Variants in CDH8 observed in about 807,000 individuals in gnomAD.
CDH8 encodes cadherin 8, also known as cadherin-8.
CDH8 carries 17 observed loss-of-function variants against 68.1 expected under a neutral mutation model. The ratio of observed to expected loss-of-function variants is 0.25; its 90% CI spans 0.17 to 0.37. CDH8 has a LOEUF of 0.37. Among genes scored for constraint, CDH8 ranks in the 10% least tolerant of loss-of-function variants. The pLI, the probability that CDH8 is intolerant of heterozygous loss-of-function variation, is 1.00. For missense variants in CDH8, 763 were observed against 999.3 expected (o/e 0.76, Z 3.19); for synonymous variants, 372 against 365.1 (o/e 1.02, Z -0.21).
chr16:61,855,814 G>C (rs560544490), intron 4 of CDH8, among the ~76,000 whole-genome samples: 150 of 152,156 alleles, frequency 9.9e-4, no homozygotes, highest in South Asian at 2.3e-3. Context: ...CTGTAACTTT[G>C]GCCAAGTTAT....
Position 61,962,167 on chromosome 16 carries a change from G to A in CDH8, c.252+58985C>T, listed in dbSNP as rs193227526. On this transcript the variant is annotated intron_variant, in intron 2 of 11. Coordinates refer to ENST00000577390, the MANE Select transcript of CDH8 (RefSeq NM_001796.5). ...ACCTTGAGTAGCTGAAGAGGAGGAG[G>A]AGGAGGAGGGGCTTGTCTTGCTGTC... Among the ~76,000 whole-genome samples, 45 of 152,326 alleles carry A rather than the reference G, an allele frequency of 3.0e-4. No homozygotes were observed. The East Asian group carries it at 8.1e-3, about 27-fold the overall frequency.
chr16:61,774,414 G>A (rs1460362877), intron 8 of CDH8, among the ~76,000 whole-genome samples: 2 of 147,332 alleles, frequency 1.4e-5, no homozygotes, highest in Admixed American at 1.4e-4. Flanking sequence ...TACAAGGAGA[G>A]CACAGTTCTT....
chr16:61,770,439 T>G (rs548795608), intron 8 of CDH8, among the ~76,000 whole-genome samples: 1 of 151,888 alleles, frequency 6.6e-6, no homozygotes, highest in South Asian at 2.1e-4. Flanking sequence ...AGTTAGGCCT[T>G]GGGTATCTAT....
Position 61,653,333 on chromosome 16 carries a change from T to A in CDH8, c.*275A>T. Reference sequence around the variant, plus strand: ...ATCTAAGGATTAGCCAGGATCCCAATCTTTGTCTGTGGTGGTCAGGTAAAT... The same window carrying A: ...ATCTAAGGATTAGCCAGGATCCCAAACTTTGTCTGTGGTGGTCAGGTAAAT... On this transcript the variant is annotated 3_prime_UTR_variant, in exon 12 of 12. Transcript: ENST00000577390. 8.2e-7 allele frequency: 1 copy of A among 1,218,434 alleles called. No homozygotes were observed. The highest frequency in any genetic ancestry group is 1.0e-6 in the Non-Finnish European group (1 of 980,776). 75.5% of individuals were successfully genotyped at this position (1,218,434 alleles called of 1,614,324 possible).
intron 3 of CDH8, among the ~76,000 whole-genome samples, chr16:61,895,504 C>A (rs750548123): frequency 6.6e-6 from 1 of 152,090 alleles, no homozygotes; most frequent in Non-Finnish European, 1.5e-5. Context: ...ATTCTCAATA[C>A]GTATTGGTCA....
chr16:61,789,592 T>C, intron 7 of CDH8, 110 bp from the exon 8 acceptor site: 1 of 1,027,902 alleles, frequency 9.7e-7, no homozygotes, highest in Non-Finnish European at 1.4e-6. Flanking sequence ...TCAAATGAAT[T>C]GGGAAACTCA....
chr16:62,012,461 C>T (rs984359389), intron 2 of CDH8, among the ~76,000 whole-genome samples: 1 of 152,056 alleles, frequency 6.6e-6, no homozygotes, highest in Non-Finnish European at 1.5e-5. Context: ...ATGAGATTGG[C>T]CATACAAGTG....
intron 7 of CDH8, among the ~76,000 whole-genome samples, chr16:61,799,947 C>T (rs1475351406): frequency 6.6e-6 from 1 of 152,098 alleles, no homozygotes; most frequent in Non-Finnish European, 1.5e-5. Context: ...CTCCCTCTGT[C>T]ACCTAGGCTG....
At chr16:61,909,754 T>G (rs546691503) in intron 2 of CDH8, among the ~76,000 whole-genome samples, 1 of 152,294 alleles carries the variant, frequency 6.6e-6, no homozygotes, top group East Asian at 1.9e-4. Context: ...TCTAGGCACC[T>G]TCTGTAAACC....
At chr16:61,866,869 T>C (rs1044269489) in intron 3 of CDH8, among the ~76,000 whole-genome samples, 5 of 152,210 alleles carry the variant, frequency 3.3e-5, no homozygotes, top group African/African-American at 1.2e-4. Flanking sequence ...TTTATTTTTA[T>C]TTAACAAAGT....
chr16:61,900,018 T>C (rs1276338407), intron 3 of CDH8, among the ~76,000 whole-genome samples: 2 of 152,232 alleles, frequency 1.3e-5, no homozygotes, highest in Non-Finnish European at 1.5e-5. Context: ...GAAGATGTTA[T>C]TGAAGACACT....
intron 3 of CDH8, among the ~76,000 whole-genome samples, chr16:61,886,992 T>C (rs1963685501): frequency 6.6e-6 from 1 of 152,232 alleles, no homozygotes; most frequent in South Asian, 2.1e-4. Context: ...ATGTTGGACA[T>C]TCACTGCAGA....
chr16:61,977,542 C>T (rs1268582772), intron 2 of CDH8, among the ~76,000 whole-genome samples: 1 of 152,080 alleles, frequency 6.6e-6, no homozygotes, highest in East Asian at 1.9e-4. Flanking sequence ...CAATTGAAAT[C>T]AGTTCAAATG....
Position 61,707,248 on chromosome 16 carries a change from C to G in CDH8, c.1654+6593G>C, listed in dbSNP as rs374882026. On this transcript the variant is annotated intron_variant, in intron 10 of 11. Transcript: ENST00000577390. ...AATAGAGAGGAAGAGGACAAGGAAA[C>G]TATTTATTATCACCAATTTGTCAGT... is the stretch of plus-strand genomic sequence containing the variant. Among the ~76,000 whole-genome samples the G allele has an allele frequency of 2.5e-4, 38 of 152,236 alleles. No homozygotes were observed. In the South Asian group the frequency reaches 7.9e-3, roughly 32 times the overall value.
chr16:62,005,125 T>G (rs754017966), intron 2 of CDH8, among the ~76,000 whole-genome samples: 2 of 152,174 alleles, frequency 1.3e-5, no homozygotes, highest in Non-Finnish European at 2.9e-5. Flanking sequence ...TCTTTGTAAA[T>G]GTGACAACAC....
At chr16:61,733,338 T>C (rs1750055109) in intron 8 of CDH8, among the ~76,000 whole-genome samples, 1 of 151,862 alleles carries the variant, frequency 6.6e-6, no homozygotes, top group South Asian at 2.1e-4. Flanking sequence ...GTCTCCAAAT[T>C]TTCTGTAAGG....
chr16:61,727,829 A>T lies in CDH8; in HGVS notation c.1415-614T>A, dbSNP rs140048320. On this transcript the variant is annotated intron_variant, in intron 8 of 11. Coordinates refer to ENST00000577390, the MANE Select transcript of CDH8 (RefSeq NM_001796.5). ...GTCATTTTCATGAGGACTTTTATCA[A>T]TGCAAACGAATAATAATCTTCTAAT... is the stretch of plus-strand genomic sequence containing the variant. 1.8e-3 allele frequency among the ~76,000 whole-genome samples: 265 copies of T among 151,296 alleles called. 1 individual carries two copies. The highest frequency in any genetic ancestry group is 6.2e-3 in the African/African-American group (259 of 41,468).
At chr16:61,914,763 G>T (rs113709742) in intron 2 of CDH8, among the ~76,000 whole-genome samples, 259 of 149,528 alleles carry the variant, frequency 1.7e-3, no homozygotes, top group African/African-American at 5.9e-3. Flanking sequence ...AAAAAAGAAT[G>T]ATGCCACTAG....
intron 3 of CDH8, among the ~76,000 whole-genome samples, chr16:61,886,159 C>A (rs1218961329): frequency 6.6e-6 from 1 of 152,134 alleles, no homozygotes; most frequent in Non-Finnish European, 1.5e-5. Flanking sequence ...AAAAAACTTT[C>A]GAGTTTGTTC....
Sources: allele counts gnomAD v4.1 joint callset (sites outside exome capture counted in the v4.1 genomes callset), GRCh38; gene constraint gnomAD v4.1.1; transcripts MANE v1.5; gene names NCBI Gene and HGNC (gene_info 2026-07-23, HGNC 2026-07-21).